The following CSMD3 variants were observed in gnomAD, a reference collection of about 807,000 sequenced individuals.
CSMD3 encodes the protein CUB and sushi domain-containing protein 3.
Under a neutral mutation model 435.2 loss-of-function variants are expected in CSMD3, and 177 were observed. That is an observed-to-expected ratio of 0.41 (90% CI 0.36 to 0.46). The LOEUF (loss-of-function observed/expected upper bound fraction) is 0.46. Among genes scored for constraint, CSMD3 ranks in the 20% least tolerant of loss-of-function variants. CSMD3 has a pLI of 0.34. For missense variants in CSMD3, 4,265 were observed against 4,504.6 expected (o/e 0.95, Z 1.52); for synonymous variants, 1,656 against 1,520.5 (o/e 1.09, Z -2.07).
intron 23 of CSMD3, among the ~76,000 whole-genome samples, chr8:112,581,313 G>A: frequency 6.6e-6 from 1 of 151,950 alleles, no homozygotes; most frequent in East Asian, 1.9e-4. Context: ...TGACAAAATA[G>A]GTGTGTAGAA....
At chr8:113,117,644 G>A (rs889108648) in intron 4 of CSMD3, among the ~76,000 whole-genome samples, 21 of 152,180 alleles carry the variant, frequency 1.4e-4, no homozygotes, top group Admixed American at 5.9e-4. Context: ...TGGAAAAGCC[G>A]AAGGCACTCA....
At chr8:112,253,486 T>C (rs1351985392) in intron 63 of CSMD3, among the ~76,000 whole-genome samples, 5 of 151,928 alleles carry the variant, frequency 3.3e-5, no homozygotes, top group African/African-American at 9.7e-5. Flanking sequence ...TAGAAATGGA[T>C]GGTCTTCAGG....
rs1476235488 is a variant in CSMD3, at chr8:112,562,912, C to T, written c.4043-5958G>A. Among the ~76,000 whole-genome samples the T allele has an allele frequency of 2.0e-5, 3 of 151,754 alleles. No individual in the cohort carries two copies. In the South Asian group the frequency reaches 6.2e-4, roughly 31 times the overall value. The stretch of plus-strand genomic sequence containing the variant: ...TTAGCTAACATACTTTCCCAATTTC[C>T]TTTTTAACAATCTATTTCTTTTTGT... On this transcript the variant is annotated intron_variant, in intron 24 of 70. Coordinates refer to ENST00000297405, the MANE Select transcript of CSMD3 (RefSeq NM_198123.2).
Position 112,353,921 on chromosome 8 carries a change from T to C in CSMD3, c.6137-1387A>G, listed in dbSNP as rs755114014. On this transcript the variant is annotated intron_variant, in intron 38 of 70. Transcript: ENST00000297405. ...AAAGAAAAATACAGGACAATATTTC[T>C]GATGAACACAGTTCGTAAAATCCTC... is the stretch of plus-strand genomic sequence containing the variant. 6.8e-4 allele frequency among the ~76,000 whole-genome samples: 103 copies of C among 152,176 alleles called. 1 individual carries two copies. Among genetic ancestry groups the C allele is most frequent in the Admixed American group, 1.2e-3 (19 of 15,272 alleles).
intron 6 of CSMD3, among the ~76,000 whole-genome samples, chr8:112,984,696 A>T (rs2085183819): frequency 6.6e-6 from 1 of 152,134 alleles, no homozygotes. Flanking sequence ...AATGGGTGAA[A>T]TATGAAGGAA....
At chr8:112,658,541 T>C (rs2075307400) in intron 17 of CSMD3, among the ~76,000 whole-genome samples, 1 of 152,228 alleles carries the variant, frequency 6.6e-6, no homozygotes, top group Non-Finnish European at 1.5e-5. Context: ...AAGTGTATTT[T>C]ACTTCTAATT....
At chr8:113,372,369 T>C (rs1202463861) in intron 1 of CSMD3, among the ~76,000 whole-genome samples, 1 of 152,202 alleles carries the variant, frequency 6.6e-6, no homozygotes, top group Non-Finnish European at 1.5e-5. Context: ...CTACAGGGGA[T>C]AAATATGAGT....
chr8:112,859,086 T>A, intron 11 of CSMD3, 59 bp downstream of exon 11: 1 of 1,516,716 alleles, frequency 6.6e-7, no homozygotes, highest in Non-Finnish European at 9.1e-7. Flanking sequence ...GTATTATTTC[T>A]TTGCCTTTGT....
intron 63 of CSMD3, among the ~76,000 whole-genome samples, chr8:112,248,966 G>C (rs567732080): frequency 6.6e-6 from 1 of 152,182 alleles, no homozygotes; most frequent in East Asian, 1.9e-4. Flanking sequence ...AGAGTCCCCT[G>C]ACTTGTGCTC....
At chr8:113,170,151 C>T (rs1011113371) in intron 4 of CSMD3, among the ~76,000 whole-genome samples, 1 of 152,076 alleles carries the variant, frequency 6.6e-6, no homozygotes, top group Non-Finnish European at 1.5e-5. Context: ...AGTCATCAGC[C>T]CCCTGCAAAG....
At chr8:113,025,023 T>C (rs1287651850) in intron 5 of CSMD3, among the ~76,000 whole-genome samples, 2 of 91,790 alleles carry the variant, frequency 2.2e-5, no homozygotes, top group Non-Finnish European at 3.8e-5. Context: ...GATAACTGTC[T>C]CCAGTTCCCT....
chr8:112,496,200 A>T (rs944539116), intron 30 of CSMD3, among the ~76,000 whole-genome samples: 33 of 152,190 alleles, frequency 2.2e-4, no homozygotes, highest in African/African-American at 7.7e-4. Context: ...TGATCTCCTG[A>T]CCTCATGATC....
intron 10 of CSMD3, among the ~76,000 whole-genome samples, chr8:112,898,405 G>C (rs2082011124): frequency 6.6e-6 from 1 of 151,130 alleles, no homozygotes. Flanking sequence ...CGGTTCTCAA[G>C]CCCAATTTTT....
intron 4 of CSMD3, among the ~76,000 whole-genome samples, chr8:113,163,927 T>TA (rs1440953199): frequency 6.6e-6 from 1 of 152,044 alleles, no homozygotes; most frequent in Non-Finnish European, 1.5e-5. Context: ...CTCATATTAC[T>TA]AATATTGTAG....
At chr8:113,409,079 C>CTTTTTTTTTTT (rs1218107775) in intron 1 of CSMD3, among the ~76,000 whole-genome samples, 20 of 99,068 alleles carry the variant, frequency 2.0e-4, no homozygotes, top group East Asian at 3.5e-4. Context: ...TCTTCTTCTT[C>CTTTTTTTTTTT]TTTTTTTTTT....
chr8:113,420,506 T>G (rs1304599601), intron 1 of CSMD3, among the ~76,000 whole-genome samples: 3 of 152,030 alleles, frequency 2.0e-5, no homozygotes, highest in Non-Finnish European at 2.9e-5. Flanking sequence ...GTAGTAAAAC[T>G]AAATAGAAAT....
At chr8:113,264,054 T>A (rs2093448486) in intron 3 of CSMD3, among the ~76,000 whole-genome samples, 1 of 151,392 alleles carries the variant, frequency 6.6e-6, no homozygotes, top group Non-Finnish European at 1.5e-5. Flanking sequence ...ATAATTATCT[T>A]AATAAGGAAG....
intron 13 of CSMD3, among the ~76,000 whole-genome samples, chr8:112,745,020 G>T (rs1025677125): frequency 6.6e-6 from 1 of 152,080 alleles, no homozygotes; most frequent in African/African-American, 2.4e-5. Flanking sequence ...ACAAACGGGG[G>T]TGTGCACGTA....
At chr8:112,495,551 C>A (rs532919931) in intron 30 of CSMD3, among the ~76,000 whole-genome samples, 2 of 152,240 alleles carry the variant, frequency 1.3e-5, no homozygotes, top group South Asian at 4.1e-4. Flanking sequence ...TGCTTTAAAT[C>A]CTTGGTGAAT....
Sources: gnomAD v4.1 joint callset for allele counts (sites outside exome capture counted in the v4.1 genomes callset) on GRCh38, gnomAD v4.1.1 for gene constraint, MANE v1.5 for transcripts, NCBI Gene and HGNC (gene_info 2026-07-23, HGNC 2026-07-21) for gene names.